EAF1: variants seen among roughly 807,000 people sequenced by gnomAD.
The protein encoded by EAF1 is ELL-associated factor 1.
Under a neutral mutation model 26.6 loss-of-function variants are expected in EAF1, and 19 were observed. The ratio of observed to expected loss-of-function variants is 0.71; its 90% CI spans 0.50 to 1.05. The LOEUF (loss-of-function observed/expected upper bound fraction) is 1.05. Ranked by LOEUF, EAF1 falls within the 50% of genes least tolerant of loss-of-function variation. The pLI, the probability that EAF1 is intolerant of heterozygous loss-of-function variation, is 0.00. For synonymous variants in EAF1, 102 were observed against 120.6 expected, an observed-to-expected ratio of 0.85 and a Z score of 1.01; for missense variants, 260 against 335.5, an observed-to-expected ratio of 0.78 and a Z score of 1.76.
chr3:15,428,404 C>G (rs771531893), intron 1 of EAF1, among the ~76,000 whole-genome samples: 2 of 152,178 alleles, frequency 1.3e-5, no homozygotes, highest in Admixed American at 6.5e-5. Context: ...GCTTTGTCCC[C>G]TCTACAGCCA....
chr3:15,441,213 A>G lies in EAF1; in HGVS notation c.*2058A>G, dbSNP rs1005865680. 1 of 153,788 alleles carries G rather than the reference A, an allele frequency of 6.5e-6. No homozygotes were observed. The highest frequency in any genetic ancestry group is 2.4e-5 in the African/African-American group (1 of 41,420). The allele number at this position is 153,788 out of a possible 1,614,324, so 9.5% of individuals were successfully genotyped here. On this transcript the variant is annotated 3_prime_UTR_variant, in exon 6 of 6. Transcript: ENST00000396842. ...GCACGGCTTCAATTTTGTTCTCTGC[A>G]CAAAGCCTTTGGTGGTTCTGCCCTC...
chr3:15,434,304 C>A, intron 3 of EAF1, 44 bp from the exon 4 acceptor site: 1 of 1,595,988 alleles, frequency 6.3e-7, no homozygotes, highest in South Asian at 1.1e-5. Flanking sequence ...ATTTGAGAAC[C>A]ACTATTTTTG....
chr3:15,439,794 C>G lies in EAF1; in HGVS notation c.*639C>G, dbSNP rs1294867783. 2 of 152,396 alleles carry G rather than the reference C, an allele frequency of 1.3e-5. No individual in the cohort carries two copies. Among genetic ancestry groups the G allele is most frequent in the Non-Finnish European group, 1.5e-5 (1 of 68,076 alleles). 9.4% of individuals were successfully genotyped at this position (152,396 alleles called of 1,614,324 possible). ...CTAAGAAAGGGAAGTACACACCTGG[C>G]TTGTGGCCAGTCTCCTGCCCCCTCT... On this transcript the variant is annotated 3_prime_UTR_variant, in exon 6 of 6. Coordinates refer to ENST00000396842, the MANE Select transcript of EAF1 (RefSeq NM_033083.7).
At chr3:15,433,454 T>C (rs1479528315) in intron 3 of EAF1, among the ~76,000 whole-genome samples, 1 of 152,206 alleles carries the variant, frequency 6.6e-6, no homozygotes, top group Non-Finnish European at 1.5e-5. Context: ...CAGTATCATA[T>C]TACCTAGATG....
chr3:15,435,336 A>T (rs2061828493), intron 4 of EAF1, among the ~76,000 whole-genome samples: 1 of 152,252 alleles, frequency 6.6e-6, no homozygotes, highest in Admixed American at 6.5e-5. Context: ...GTCATATTTC[A>T]TATTTATAAG....
At chr3:15,432,037 T>G (rs1204387721) in intron 2 of EAF1, 50 bp from the exon 3 acceptor site, 1 of 1,575,508 alleles carries the variant, frequency 6.3e-7, no homozygotes, top group Admixed American at 1.8e-5. Flanking sequence ...CAGTTGATAT[T>G]CATAACTGGT....
In EAF1 at chr3:15,440,718, T is replaced by A. The variant is rs2061863270; in HGVS notation, c.*1563T>A. ...AGCATGCTCACACCACCTACCCTAG[T>A]GTAGGTAATAGGTCTACGCTAGGAC... On this transcript the variant is annotated 3_prime_UTR_variant, in exon 6 of 6. Transcript: ENST00000396842. The A allele has an allele frequency of 6.6e-6, 1 of 152,632 alleles. No individual in the cohort carries two copies. Among genetic ancestry groups the A allele is most frequent in the Admixed American group, 6.5e-5 (1 of 15,270 alleles). 9.5% of individuals were successfully genotyped at this position (152,632 alleles called of 1,614,324 possible). A position where few individuals can be genotyped will look rare whatever the true frequency, so the allele number is the denominator to read the frequency against.
At position 15,429,944 on chromosome 3, in the gene EAF1, C is replaced by T. The variant is rs1388832295; in HGVS notation, c.135C>T (p.Ser45=). ...TTAAACCAGCATCTATAGACACTTC[C>T]TGTGAAGGAGAGCTTCAAGTTGGCA... is the stretch of plus-strand genomic sequence containing the variant. ...YDFKPASIDT[S]CEGELQVGKG... is the part of the protein sequence containing the mutation. The change falls in exon 2 of 6, where the codon TCC becomes TCT. Residue 45 remains serine, a synonymous_variant. Coordinates refer to ENST00000396842, the MANE Select transcript of EAF1 (RefSeq NM_033083.7). 1.9e-6 allele frequency: 3 copies of T among 1,613,236 alleles called. No individual in the cohort carries two copies. Among genetic ancestry groups the T allele is most frequent in the Non-Finnish European group, 1.7e-6 (2 of 1,179,764 alleles).
Position 15,439,226 on chromosome 3 carries a change from T to C in EAF1, c.*71T>C, listed in dbSNP as rs1418352733. On this transcript the variant is annotated 3_prime_UTR_variant, in exon 6 of 6. Coordinates refer to ENST00000396842, the MANE Select transcript of EAF1 (RefSeq NM_033083.7). ...AAGACTGAGCTACTTTGGCGTGGAG[T>C]CCATTGCAAGAGGAAAATGTTATGG... The C allele has an allele frequency of 3.4e-6, 5 of 1,490,904 alleles. No homozygotes were observed. The highest frequency in any genetic ancestry group is 4.6e-6 in the Non-Finnish European group (5 of 1,081,722). 92.4% of individuals were successfully genotyped at this position (1,490,904 alleles called of 1,614,324 possible).
At chr3:15,431,475 C>T (rs2061801484) in intron 2 of EAF1, among the ~76,000 whole-genome samples, 1 of 152,204 alleles carries the variant, frequency 6.6e-6, no homozygotes. Context: ...AGCCAGTTGC[C>T]TTCTGCTCTG....
chr3:15,427,662 T>C lies in EAF1; in HGVS notation c.-118T>C, dbSNP rs1575447611. 4 of 1,104,822 alleles carry C rather than the reference T, an allele frequency of 3.6e-6. No homozygotes were observed. The East Asian group carries it at 1.1e-4, about 29-fold the overall frequency. 68.4% of individuals were successfully genotyped at this position (1,104,822 alleles called of 1,614,324 possible). A position where few individuals can be genotyped will look rare whatever the true frequency, so the allele number is the denominator to read the frequency against. ...ACCCGGGTGGGTGCCGGCTCGGCTC[T>C]CCTTGTCTTCCAGAGCGGTGGCCCG... On this transcript the variant is annotated 5_prime_UTR_variant, in exon 1 of 6. Coordinates refer to ENST00000396842, the MANE Select transcript of EAF1 (RefSeq NM_033083.7).
At chr3:15,438,523 T>C (rs1258325358) in intron 5 of EAF1, 1 of 151,504 alleles carries the variant, frequency 6.6e-6, no homozygotes, top group East Asian at 1.9e-4. Context: ...TTTTTTTTTT[T>C]TTCTTTTTTC....
intron 5 of EAF1, among the ~76,000 whole-genome samples, chr3:15,436,863 C>T (rs978772067): frequency 5.3e-5 from 8 of 152,096 alleles, no homozygotes; most frequent in Non-Finnish European, 4.4e-5. Context: ...ACCAGACTTT[C>T]GGGGAGCTAC....
chr3:15,427,800 G>T lies in EAF1; in HGVS notation c.21G>T (p.Pro7=), dbSNP rs1254642836. The change falls in exon 1 of 6, where the codon CCG becomes CCT. Residue 7 remains proline, a synonymous_variant. Transcript: ENST00000396842. MNGTAN[P]LLDREEHCLR... is the part of the protein sequence containing the mutation. ...GGGCCATGAATGGGACCGCAAACCC[G>T]CTGCTGGACCGCGAGGAACATTGCC... 4.5e-6 allele frequency: 7 copies of T among 1,551,434 alleles called. No individual in the cohort carries two copies. In the East Asian group the frequency reaches 1.5e-4, roughly 33 times the overall value.
rs11914287 is a variant in EAF1, at chr3:15,441,325, C to G, written c.*2170C>G. On this transcript the variant is annotated 3_prime_UTR_variant, in exon 6 of 6. Coordinates refer to ENST00000396842, the MANE Select transcript of EAF1 (RefSeq NM_033083.7). ...CTTCACAGATGGCTTCTCACAGATG[C>G]CCTCCTGCCAGCCAAACCGGACTTG... The G allele has an allele frequency of 0.045, 6,842 of 153,594 alleles. 394 individuals are homozygous for G. Among genetic ancestry groups the G allele is most frequent in the African/African-American group, 0.13 (5,573 of 41,416 alleles). The allele number at this position is 153,594 out of a possible 1,614,324, so 9.5% of individuals were successfully genotyped here. A position where few individuals can be genotyped will look rare whatever the true frequency, so the allele number is the denominator to read the frequency against.
In EAF1 at chr3:15,439,373, T is replaced by C. The variant is rs372930015; in HGVS notation, c.*218T>C. 3 of 463,376 alleles carry C rather than the reference T, an allele frequency of 6.5e-6. No homozygotes were observed. Among genetic ancestry groups the C allele is most frequent in the East Asian group, 6.5e-5 (2 of 30,714 alleles). The allele number at this position is 463,376 out of a possible 1,614,324, so 28.7% of individuals were successfully genotyped here. On this transcript the variant is annotated 3_prime_UTR_variant, in exon 6 of 6. Coordinates refer to ENST00000396842, the MANE Select transcript of EAF1 (RefSeq NM_033083.7). ...ACAATCTCATCTTTCAAAGTTTAAG[T>C]AGACCTGTAGAAGAGCTAACAGAAT...
At chr3:15,436,661 A>AT in intron 5 of EAF1, 86 bp downstream of exon 5, 1 of 1,165,586 alleles carries the variant, frequency 8.6e-7, no homozygotes, top group Non-Finnish European at 1.2e-6. Context: ...AAACCTAAAG[A>AT]TGTTTAAGGC....
intron 1 of EAF1, among the ~76,000 whole-genome samples, chr3:15,429,170 T>A (rs2061783096): frequency 6.6e-6 from 1 of 152,170 alleles, no homozygotes; most frequent in Admixed American, 6.5e-5. Context: ...TACAGTTCAG[T>A]TGTCTGCTAT....
chr3:15,440,379 A>G lies in EAF1; in HGVS notation c.*1224A>G, dbSNP rs976162460. 3.9e-5 allele frequency: 6 copies of G among 152,156 alleles called. No homozygotes were observed. Among genetic ancestry groups the G allele is most frequent in the Non-Finnish European group, 2.9e-5 (2 of 68,042 alleles). 9.4% of individuals were successfully genotyped at this position (152,156 alleles called of 1,614,324 possible). A position where few individuals can be genotyped will look rare whatever the true frequency, so the allele number is the denominator to read the frequency against. On this transcript the variant is annotated 3_prime_UTR_variant, in exon 6 of 6. Transcript: ENST00000396842. ...GTTGGAGGAAACTGGTTGCTAGTCA[A>G]TGTTCTATATTTAATGAATGTGTGA...
Sources: gnomAD v4.1 joint callset for allele counts (sites outside exome capture counted in the v4.1 genomes callset) on GRCh38, gnomAD v4.1.1 for gene constraint, MANE v1.5 for transcripts, NCBI Gene and HGNC (gene_info 2026-07-23, HGNC 2026-07-21) for gene names.